RANBP2: variants seen among roughly 807,000 people sequenced by gnomAD.
The protein encoded by RANBP2 is E3 SUMO-protein ligase RanBP2.
RANBP2 carries 57 observed loss-of-function variants against 303.6 expected under a neutral mutation model. That is an observed-to-expected ratio of 0.19 (90% CI 0.15 to 0.23). The LOEUF (loss-of-function observed/expected upper bound fraction) is 0.23, where lower values mean the gene tolerates loss of function less well. Ranked by LOEUF, RANBP2 falls within the 10% of genes least tolerant of loss-of-function variation. RANBP2 has a pLI of 1.00. For missense variants in RANBP2, 3,138 were observed against 3,780.8 expected (o/e 0.83, Z 4.46); for synonymous variants, 1,167 against 1,301.5 (o/e 0.90, Z 2.23).
At chr2:109,574,929 C>A in the RANBP2 span, among the ~76,000 whole-genome samples, 2 of 152,134 alleles carry the variant, frequency 1.3e-5, no homozygotes, top group African/African-American at 4.8e-5. Flanking sequence ...GCAGAACATG[C>A]GCAAAAGCTA....
the RANBP2 span, among the ~76,000 whole-genome samples, chr2:109,027,254 A>C: frequency 5.3e-5 from 8 of 150,978 alleles, no homozygotes; most frequent in South Asian, 2.1e-4. Context: ...AAAAAAAAAA[A>C]AAAAAAAAAA....
At chr2:108,950,077 C>A in the RANBP2 span, among the ~76,000 whole-genome samples, 10 of 152,148 alleles carry the variant, frequency 6.6e-5, no homozygotes, top group Non-Finnish European at 1.2e-4. Flanking sequence ...GCACTTATGA[C>A]CCCAGGAGGG....
At chr2:109,636,544 G>T in the RANBP2 span, among the ~76,000 whole-genome samples, 3 of 152,096 alleles carry the variant, frequency 2.0e-5, no homozygotes, top group African/African-American at 7.2e-5. Context: ...GATTAAAGGA[G>T]ACCCAAGAAA....
At chr2:109,417,270 C>T in the RANBP2 span, among the ~76,000 whole-genome samples, 3 of 152,244 alleles carry the variant, frequency 2.0e-5, no homozygotes, top group Admixed American at 2.0e-4. Flanking sequence ...TCGTACTTGC[C>T]CTCCAGCCCC....
the RANBP2 span, among the ~76,000 whole-genome samples, chr2:109,765,407 T>C: frequency 2.0e-5 from 3 of 150,516 alleles, 1 homozygote; most frequent in Admixed American, 2.0e-4. Context: ...AATTTCCCAT[T>C]CATAGGCTGA....
chr2:109,446,066 C>T, the RANBP2 span, among the ~76,000 whole-genome samples: 1 of 152,232 alleles, frequency 6.6e-6, no homozygotes, highest in African/African-American at 2.4e-5. Flanking sequence ...AAGATGTGGG[C>T]TACTTTGGCA....
At chr2:109,123,878 T>C in the RANBP2 span, among the ~76,000 whole-genome samples, 6 of 152,176 alleles carry the variant, frequency 3.9e-5, no homozygotes, top group African/African-American at 1.4e-4. Context: ...TGGTATACAG[T>C]TGGTGCTCAA....
chr2:109,182,538 G>A, the RANBP2 span, among the ~76,000 whole-genome samples: 2 of 152,162 alleles, frequency 1.3e-5, no homozygotes, highest in Admixed American at 1.3e-4. Flanking sequence ...TCCTGGATGT[G>A]CTTGGGACAT....
chr2:109,763,110 A>G, the RANBP2 span, among the ~76,000 whole-genome samples: 1 of 150,042 alleles, frequency 6.7e-6, no homozygotes. Context: ...TAATCCTGGA[A>G]AGGGTAAGTA....
At chr2:108,939,814 G>A in the RANBP2 span, among the ~76,000 whole-genome samples, 1 of 152,168 alleles carries the variant, frequency 6.6e-6, no homozygotes, top group Non-Finnish European at 1.5e-5. Flanking sequence ...GAGATATTTG[G>A]AAAGCAATAC....
At chr2:109,124,098 C>T in the RANBP2 span, among the ~76,000 whole-genome samples, 1 of 152,082 alleles carries the variant, frequency 6.6e-6, no homozygotes, top group Admixed American at 6.6e-5. Flanking sequence ...GCAGCCTCCA[C>T]CTCCCGGGTT....
At chr2:109,315,068 G>A in the RANBP2 span, among the ~76,000 whole-genome samples, 2 of 152,184 alleles carry the variant, frequency 1.3e-5, no homozygotes, top group East Asian at 1.9e-4. Flanking sequence ...TACACGACAC[G>A]TTTCCATCAG....
chr2:108,746,462 A>C (rs1404315856), intron 7 of RANBP2, among the ~76,000 whole-genome samples: 1 of 145,918 alleles, frequency 6.9e-6, no homozygotes, highest in Non-Finnish European at 1.5e-5. Flanking sequence ...ACCTCAAGTG[A>C]TCAGCCCACC....
the RANBP2 span, among the ~76,000 whole-genome samples, chr2:109,393,511 A>G: frequency 1.3e-5 from 2 of 152,186 alleles, no homozygotes; most frequent in African/African-American, 4.8e-5. Context: ...GTCTTTGAGC[A>G]GAGCCCAGGA....
chr2:109,133,417 ATATTT>A, the RANBP2 span, among the ~76,000 whole-genome samples: 4 of 152,208 alleles, frequency 2.6e-5, no homozygotes, highest in Non-Finnish European at 4.4e-5. Flanking sequence ...TATTTGTTAA[ATATTT>A]TATTTTATAA....
the RANBP2 span, among the ~76,000 whole-genome samples, chr2:109,113,349 C>T: frequency 2.6e-5 from 4 of 151,408 alleles, no homozygotes; most frequent in African/African-American, 9.7e-5. Context: ...AGGTCCTTCA[C>T]GTCCCTTGTA....
the RANBP2 span, among the ~76,000 whole-genome samples, chr2:109,152,971 ATTG>A: frequency 6.6e-6 from 1 of 152,188 alleles, no homozygotes; most frequent in African/African-American, 2.4e-5. Context: ...GTGTGAAGTC[ATTG>A]TTGTTATGAT....
At chr2:109,712,860 T>C in the RANBP2 span, among the ~76,000 whole-genome samples, 1 of 152,364 alleles carries the variant, frequency 6.6e-6, no homozygotes, top group African/African-American at 2.4e-5. Flanking sequence ...GAAAGTCATA[T>C]TCACAGGCCC....
the RANBP2 span, among the ~76,000 whole-genome samples, chr2:109,430,697 C>G: frequency 6.6e-6 from 1 of 152,246 alleles, no homozygotes; most frequent in Non-Finnish European, 1.5e-5. Context: ...GGAACAGAAT[C>G]ACACCCTGGT....
Sources: allele counts gnomAD v4.1 joint callset (sites outside exome capture counted in the v4.1 genomes callset), GRCh38; gene constraint gnomAD v4.1.1; transcripts MANE v1.5; gene names NCBI Gene and HGNC (gene_info 2026-07-23, HGNC 2026-07-21).